Variants in ALG1 observed in about 807,000 individuals in gnomAD.
ALG1 encodes the protein chitobiosyldiphosphodolichol beta-mannosyltransferase.
Under a neutral mutation model 55.1 loss-of-function variants are expected in ALG1, and 58 were observed. That is an observed-to-expected ratio of 1.05 (90% CI 0.85 to 1.31). The LOEUF (loss-of-function observed/expected upper bound fraction) is 1.31, where lower values mean the gene tolerates loss of function less well. ALG1 is among the 50% of genes most tolerant of loss of function. The probability of loss-of-function intolerance (pLI) is 0.00; values close to 1 mark genes in which losing one functional copy is unlikely to be tolerated. For synonymous variants in ALG1, 309 were observed against 247.0 expected (o/e 1.25, Z -2.35); for missense variants, 761 against 598.6 (o/e 1.27, Z -2.83).
intron 11 of ALG1, 55 bp downstream of exon 11, chr16:5,082,728 G>A (rs1785234358): frequency 6.2e-7 from 1 of 1,601,314 alleles, no homozygotes; most frequent in South Asian, 1.1e-5. Flanking sequence ...CACCGCTGAG[G>A]GGGAAGCAGT....
At chr16:5,084,251 T>G (rs1313731484) in intron 12 of ALG1, 2 of 299,396 alleles carry the variant, frequency 6.7e-6, no homozygotes, top group African/African-American at 4.3e-5. Context: ...ACCATGGTAC[T>G]CTGTTGGGGT....
At chr16:5,082,946 C>T (rs1313878066) in intron 11 of ALG1, among the ~76,000 whole-genome samples, 1 of 152,140 alleles carries the variant, frequency 6.6e-6, no homozygotes, top group Non-Finnish European at 1.5e-5. Context: ...TGCACCAACC[C>T]AATATGAAAA....
At chr16:5,079,391 T>C (rs1956976942) in intron 8 of ALG1, among the ~76,000 whole-genome samples, 2 of 152,192 alleles carry the variant, frequency 1.3e-5, no homozygotes. Flanking sequence ...CTATTGTTTA[T>C]TTAAAAATTT....
At chr16:5,078,116 G>C in intron 6 of ALG1, 99 bp downstream of exon 6, 1 of 1,298,318 alleles carries the variant, frequency 7.7e-7, no homozygotes. Context: ...TCCAGGGGTT[G>C]GCAAACTAAG....
At chr16:5,076,701 C>G (rs1315899370) in intron 4 of ALG1, among the ~76,000 whole-genome samples, 1 of 152,182 alleles carries the variant, frequency 6.6e-6, no homozygotes, top group African/African-American at 2.4e-5. Context: ...TCCCTTTGCC[C>G]CACGTTGAGA....
In ALG1 at chr16:5,084,255, T is replaced by C. The variant is rs549502534; in HGVS notation, c.1264-495T>C. On this transcript the variant is annotated intron_variant, in intron 12 of 12. Coordinates refer to ENST00000262374, the MANE Select transcript of ALG1 (RefSeq NM_019109.5). The stretch of plus-strand genomic sequence containing the variant: ...TCTCTGTCAGAACCATGGTACTCTG[T>C]TGGGGTGTGAAAGTAGCCACAGATC... 915 of 312,472 alleles carry C rather than the reference T, an allele frequency of 2.9e-3. 4 individuals carry two copies. The highest frequency in any genetic ancestry group is 4.7e-3 in the Non-Finnish European group (762 of 162,180). The allele number at this position is 312,472 out of a possible 1,614,324, so 19.4% of individuals were successfully genotyped here.
intron 10 of ALG1, 53 bp from the exon 11 acceptor site, chr16:5,082,506 T>A: frequency 6.3e-7 from 1 of 1,579,118 alleles, no homozygotes; most frequent in African/African-American, 1.3e-5. Context: ...CTGGGAGGAT[T>A]TGTGTTCCCA....
chr16:5,077,581 C>G, intron 5 of ALG1, 47 bp downstream of exon 5: 1 of 1,574,436 alleles, frequency 6.4e-7, no homozygotes, highest in South Asian at 1.1e-5. Context: ...CGCGGGGCCC[C>G]TGATTGGCTG....
intron 3 of ALG1, among the ~76,000 whole-genome samples, chr16:5,074,039 C>A (rs1956866128): frequency 6.6e-6 from 1 of 152,220 alleles, no homozygotes; most frequent in African/African-American, 2.4e-5. Flanking sequence ...TAATCCCTTC[C>A]CTTGATCACT....
At position 5,072,035 on chromosome 16, in the gene ALG1, G is replaced by T. The variant is rs767351398; in HGVS notation, c.186G>T (p.Ser62=). 6.2e-5 allele frequency: 98 copies of T among 1,591,530 alleles called. No individual in the cohort carries two copies. The highest frequency in any genetic ancestry group is 7.9e-5 in the Non-Finnish European group (92 of 1,168,814). ...TGTCGTTGGCCATGCACGGCTTCTC[G>T]GTGACCCTCCTGGGGTTCTGCAGTG... is the stretch of plus-strand genomic sequence containing the variant. ...HALSLAMHGF[S]VTLLGFCNSK... is the part of the protein sequence containing the mutation. Residue 62 remains serine, a synonymous_variant, in exon 1 of 13, where the codon TCG becomes TCT. Transcript: ENST00000262374.
In ALG1 at chr16:5,071,918, G is replaced by A; in HGVS notation, c.69G>A (p.Trp23Ter). 6.3e-7 allele frequency: 1 copy of A among 1,596,110 alleles called. No homozygotes were observed. The highest frequency in any genetic ancestry group is 1.1e-5 in the South Asian group (1 of 89,102). Residue 23 changes from tryptophan (W) to a stop codon, truncating the protein, a stop_gained, in exon 1 of 13, where the codon TGG becomes TGA. Transcript: ENST00000262374. LOFTEE classifies it high-confidence loss of function. ...LLLPLLLLGG[W>*]KRWRRGRAAR... ...TGCCGCTGCTGCTGCTGGGAGGATGGAAGCGCTGGCGCCGGGGGCGGGCGG... is the reference window on the plus strand; with the variant it reads ...TGCCGCTGCTGCTGCTGGGAGGATGAAAGCGCTGGCGCCGGGGGCGGGCGG...
Position 5,085,096 on chromosome 16 carries a change from CTTCTTCTG to C in ALG1, c.*222_*229del. 2.4e-6 allele frequency: 2 copies of C among 832,064 alleles called. No individual in the cohort carries two copies. Among genetic ancestry groups the C allele is most frequent in the Non-Finnish European group, 3.7e-6 (2 of 538,606 alleles). The allele number at this position is 832,064 out of a possible 1,614,324, so 51.5% of individuals were successfully genotyped here. ...CTGGAGGCTTGGAAACGCTTCCTCT[CTTCTTCTG>C]TTCTTCACGCCCCATGCCCCTGCTA... is the stretch of plus-strand genomic sequence containing the variant. On this transcript the variant is annotated 3_prime_UTR_variant, in exon 13 of 13. Transcript: ENST00000262374.
In ALG1 at chr16:5,072,194, T is replaced by G. The variant is rs1956828822; in HGVS notation, c.208+137T>G. ...AGCTCTCCGAGATTAGACGAGCGGT[T>G]CTGCCCCAGCCTTTCCTGGGTGGGT... is the stretch of plus-strand genomic sequence containing the variant. On this transcript the variant is annotated intron_variant, in intron 1 of 12. Transcript: ENST00000262374. 4 of 1,538,342 alleles carry G rather than the reference T, an allele frequency of 2.6e-6. No homozygotes were observed. In the South Asian group the frequency reaches 3.6e-5, roughly 14 times the overall value.
intron 8 of ALG1, 91 bp from the exon 9 acceptor site, chr16:5,079,657 C>G (rs1956981884): frequency 2.9e-5 from 43 of 1,462,126 alleles, no homozygotes; most frequent in Non-Finnish European, 4.0e-5. Context: ...CCATTGCATT[C>G]CAGCCTGGGT....
At position 5,078,621 on chromosome 16, in the gene ALG1, G is replaced by A. The variant is rs1277026317; in HGVS notation, c.741-136G>A. On this transcript the variant is annotated intron_variant, in intron 6 of 12. Transcript: ENST00000262374. ...GCAAGCCCAGGCCTCAGATGGCAGG[G>A]GTGGCCTGGTGCTGCTGATGTGGCT... 24 of 1,484,600 alleles carry A rather than the reference G, an allele frequency of 1.6e-5. No homozygotes were observed. The South Asian group carries it at 2.7e-4, about 17-fold the overall frequency. 92.0% of individuals were successfully genotyped at this position (1,484,600 alleles called of 1,614,324 possible).
At chr16:5,072,582 G>A (rs963054145) in intron 1 of ALG1, among the ~76,000 whole-genome samples, 13 of 152,220 alleles carry the variant, frequency 8.5e-5, no homozygotes, top group African/African-American at 2.4e-4. Flanking sequence ...AGCACTAGTT[G>A]CCTTTAATCC....
chr16:5,083,820 T>C (rs1957061888), intron 12 of ALG1, 63 bp downstream of exon 12: 1 of 1,595,658 alleles, frequency 6.3e-7, no homozygotes, highest in Non-Finnish European at 8.5e-7. Context: ...CGAGCCAGGC[T>C]CCCTGATCCC....
intron 3 of ALG1, 44 bp downstream of exon 3, chr16:5,073,300 A>T (rs1038806552): frequency 6.4e-7 from 1 of 1,567,862 alleles, no homozygotes; most frequent in African/African-American, 1.4e-5. Flanking sequence ...CCATGTTAGC[A>T]GTTTACTTTC....
intron 9 of ALG1, 49 bp from the exon 10 acceptor site, chr16:5,080,897 G>C (rs1190654552): frequency 6.3e-7 from 1 of 1,589,178 alleles, no homozygotes; most frequent in East Asian, 2.2e-5. Context: ...GGGGCCACGT[G>C]GCAGGGACAG....
Sources: allele counts gnomAD v4.1 joint callset (sites outside exome capture counted in the v4.1 genomes callset), GRCh38; gene constraint gnomAD v4.1.1; transcripts MANE v1.5; gene names NCBI Gene and HGNC (gene_info 2026-07-23, HGNC 2026-07-21).